The following UFSP2 variants were observed in gnomAD, a reference collection of about 807,000 sequenced individuals.
UFSP2 encodes the protein UFM1 specific peptidase 2, also known as ufm1-specific protease 2.
In UFSP2, 43 loss-of-function variants were observed where a neutral mutation model predicts 60.2. The ratio of observed to expected loss-of-function variants is 0.71; its 90% CI spans 0.56 to 0.92. The LOEUF is 0.92. UFSP2 is among the 40% of genes least tolerant of loss of function. The pLI, the probability that UFSP2 is intolerant of heterozygous loss-of-function variation, is 0.00. For missense variants in UFSP2, 520 were observed against 575.0 expected (o/e 0.90, Z 0.98); for synonymous variants, 183 against 195.1 (o/e 0.94, Z 0.52).
Position 185,399,636 on chromosome 4 carries a change from C to T in UFSP2, c.*756G>A. Reference sequence around the variant, plus strand: ...GGTCATGTGGATTTCCAGACTGTGCCAAGTTTCTTACAACAATTAAATGTA... The same window carrying T: ...GGTCATGTGGATTTCCAGACTGTGCTAAGTTTCTTACAACAATTAAATGTA... On this transcript the variant is annotated 3_prime_UTR_variant, in exon 12 of 12. Coordinates refer to ENST00000264689, the MANE Select transcript of UFSP2 (RefSeq NM_018359.5). 6.2e-7 allele frequency: 1 copy of T among 1,614,098 alleles called. No homozygotes were observed. The highest frequency in any genetic ancestry group is 8.5e-7 in the Non-Finnish European group (1 of 1,180,002).
intron 11 of UFSP2, chr4:185,402,257 C>T (rs1455498903): frequency 4.4e-6 from 2 of 453,446 alleles, no homozygotes; most frequent in Non-Finnish European, 8.8e-6. Context: ...GAATGAACAC[C>T]TTGCTACAGA....
In UFSP2 at chr4:185,400,490, A is replaced by C. The variant is rs867642986; in HGVS notation, c.1324-12T>G. 9 of 1,599,942 alleles carry C rather than the reference A, an allele frequency of 5.6e-6. No individual in the cohort carries two copies. Among genetic ancestry groups the C allele is most frequent in the African/African-American group, 5.4e-5 (4 of 74,502 alleles). Reference sequence around the variant, plus strand: ...CATCCGCACCAGCCCTGGATAGAGAAGACGGGAAAGGAAAGCCTTTTACAA... The same window carrying C: ...CATCCGCACCAGCCCTGGATAGAGACGACGGGAAAGGAAAGCCTTTTACAA... On this transcript the variant is annotated splice_polypyrimidine_tract_variant and intron_variant, in intron 11 of 11. Coordinates refer to ENST00000264689, the MANE Select transcript of UFSP2 (RefSeq NM_018359.5).
In UFSP2 at chr4:185,399,647, C is replaced by G. The variant is rs543289397; in HGVS notation, c.*745G>C. ...TTTCCAGACTGTGCCAAGTTTCTTA[C>G]AACAATTAAATGTATGCAGACAATA... On this transcript the variant is annotated 3_prime_UTR_variant, in exon 12 of 12. Transcript: ENST00000264689. 46 of 1,614,032 alleles carry G rather than the reference C, an allele frequency of 2.9e-5. No homozygotes were observed. Among genetic ancestry groups the G allele is most frequent in the Non-Finnish European group, 3.7e-5 (44 of 1,180,020 alleles).
At chr4:185,425,339 G>A (rs186687942) in intron 1 of UFSP2, among the ~76,000 whole-genome samples, 93 of 152,152 alleles carry the variant, frequency 6.1e-4, no homozygotes, top group African/African-American at 2.2e-3. Context: ...CCAAGTGGAG[G>A]CACGGTTAGC....
intron 7 of UFSP2, among the ~76,000 whole-genome samples, chr4:185,413,330 G>C (rs1427327320): frequency 3.9e-5 from 6 of 152,196 alleles, no homozygotes; most frequent in African/African-American, 1.4e-4. Flanking sequence ...GGAGGTTGCA[G>C]TGAGCTGAGA....
chr4:185,423,111 G>A (rs1482791782), intron 1 of UFSP2, among the ~76,000 whole-genome samples: 4 of 152,138 alleles, frequency 2.6e-5, no homozygotes, highest in Admixed American at 1.3e-4. Context: ...CGCCTGTCTC[G>A]GCCTCCCAAA....
Position 185,408,257 on chromosome 4 carries a change from G to T in UFSP2, c.996+14C>A. The T allele has an allele frequency of 6.2e-7, 1 of 1,611,104 alleles. No homozygotes were observed. Among genetic ancestry groups the T allele is most frequent in the Middle Eastern group, 1.7e-4 (1 of 6,050 alleles). On this transcript the variant is annotated intron_variant, in intron 8 of 11. Transcript: ENST00000264689. ...CATACAGTTGATTATAATTTAAAAC[G>T]GTATGTTCTGTACCTGCTGAATTTC...
chr4:185,425,817 CA>C, intron 1 of UFSP2, 48 bp downstream of exon 1: 1 of 1,589,924 alleles, frequency 6.3e-7, no homozygotes, highest in Non-Finnish European at 8.6e-7. Context: ...TGGCGGCTGC[CA>C]AAGTCCGGGG....
chr4:185,422,480 C>A lies in UFSP2; in HGVS notation c.82+5G>T. 6.2e-7 allele frequency: 1 copy of A among 1,603,700 alleles called. No homozygotes were observed. Reference sequence around the variant, plus strand: ...TAATAAAAAAGAATTTTTCAGAAGACCTACCATTAGGAGTAGCTAGCTGAA... The same window carrying A: ...TAATAAAAAAGAATTTTTCAGAAGAACTACCATTAGGAGTAGCTAGCTGAA... On this transcript the variant is annotated splice_donor_5th_base_variant and intron_variant, in intron 2 of 11. Transcript: ENST00000264689.
Position 185,408,375 on chromosome 4 carries a change from T to C in UFSP2, c.892A>G (p.Asn298Asp). The part of the protein sequence containing the change: ...HHYMQDRIDD[N>D]GWGCAYRSLQ... ...GATCGATAAGCACAGCCCCAGCCAT[T>C]GTCATCTATGCGATCCTGCATATAA... Residue 298 changes from asparagine to aspartate, a missense_variant, in exon 8 of 12, where the codon AAT (asparagine) becomes GAT (aspartate). Asn to Asp is a conservative substitution (Grantham distance 23, BLOSUM62 1). Transcript: ENST00000264689. 6.2e-7 allele frequency: 1 copy of C among 1,614,162 alleles called. No homozygotes were observed. The highest frequency in any genetic ancestry group is 1.7e-5 in the Admixed American group (1 of 60,022).
chr4:185,400,337 C>T lies in UFSP2; in HGVS notation c.*55G>A. On this transcript the variant is annotated 3_prime_UTR_variant, in exon 12 of 12. Coordinates refer to ENST00000264689, the MANE Select transcript of UFSP2 (RefSeq NM_018359.5). ...TTTAATGTGAAAAATTAAACTGATT[C>T]TTTATTCACAAATTTATAATACCAC... 1 of 1,364,424 alleles carries T rather than the reference C, an allele frequency of 7.3e-7. No individual in the cohort carries two copies. Among genetic ancestry groups the T allele is most frequent in the South Asian group, 1.3e-5 (1 of 79,680 alleles). 84.5% of individuals were successfully genotyped at this position (1,364,424 alleles called of 1,614,324 possible).
In UFSP2 at chr4:185,399,582, G is replaced by T; in HGVS notation, c.*810C>A. The T allele has an allele frequency of 6.2e-7, 1 of 1,614,114 alleles. No individual in the cohort carries two copies. Among genetic ancestry groups the T allele is most frequent in the Admixed American group, 1.7e-5 (1 of 60,016 alleles). On this transcript the variant is annotated 3_prime_UTR_variant, in exon 12 of 12. Coordinates refer to ENST00000264689, the MANE Select transcript of UFSP2 (RefSeq NM_018359.5). ...ATCCTGTTTTCAGTTTATGTAATAA[G>T]AACGGGCAAACAGCTGAAGATCTCG...
chr4:185,400,180 GC>G lies in UFSP2; in HGVS notation c.*211del, dbSNP rs2095511616. The G allele has an allele frequency of 5.5e-6, 4 of 731,958 alleles. No homozygotes were observed. Among genetic ancestry groups the G allele is most frequent in the Non-Finnish European group, 6.6e-6 (3 of 451,306 alleles). The allele number at this position is 731,958 out of a possible 1,614,324, so 45.3% of individuals were successfully genotyped here. On this transcript the variant is annotated 3_prime_UTR_variant, in exon 12 of 12. Transcript: ENST00000264689. ...CATTTAAGAACACATGTATTTACAT[GC>G]CTATAATATGCTGGTTGTGTATGCT...
chr4:185,408,220 G>A lies in UFSP2; in HGVS notation c.996+51C>T, dbSNP rs1060115. The A allele has an allele frequency of 3.1e-6, 5 of 1,587,984 alleles. No homozygotes were observed. In the African/African-American group the frequency reaches 6.7e-5, roughly 21 times the overall value. On this transcript the variant is annotated intron_variant, in intron 8 of 11. Transcript: ENST00000264689. ...ACAAAAATTATCAATGGTATATTAA[G>A]GGCTAATGAAACATACAGTTGATTA...
chr4:185,408,921 C>G (rs924904370), intron 7 of UFSP2, among the ~76,000 whole-genome samples: 4 of 152,112 alleles, frequency 2.6e-5, no homozygotes, highest in Non-Finnish European at 4.4e-5. Flanking sequence ...TCTCTGTCCT[C>G]TTTATGTTTT....
chr4:185,419,049 A>G (rs2095544473), intron 2 of UFSP2, among the ~76,000 whole-genome samples: 1 of 152,148 alleles, frequency 6.6e-6, no homozygotes, highest in Non-Finnish European at 1.5e-5. Context: ...CATCACTCCA[A>G]AAAGAAACCC....
intron 4 of UFSP2, chr4:185,416,148 C>A: frequency 9.0e-6 from 2 of 221,180 alleles, no homozygotes; most frequent in Non-Finnish European, 8.7e-6. Context: ...ATTAAAAGCA[C>A]AAATATTATT....
intron 7 of UFSP2, among the ~76,000 whole-genome samples, chr4:185,412,555 T>C (rs1405776637): frequency 1.3e-5 from 2 of 152,032 alleles, no homozygotes; most frequent in African/African-American, 4.8e-5. Context: ...AGGTGCAGAG[T>C]TAGCCAGGCA....
chr4:185,420,343 A>T (rs1174704389), intron 2 of UFSP2, among the ~76,000 whole-genome samples: 1 of 152,216 alleles, frequency 6.6e-6, no homozygotes, highest in Non-Finnish European at 1.5e-5. Context: ...TTCAATTTGG[A>T]AACATTTTTA....
Sources: gnomAD v4.1 joint callset for allele counts (sites outside exome capture counted in the v4.1 genomes callset) on GRCh38, gnomAD v4.1.1 for gene constraint, MANE v1.5 for transcripts, NCBI Gene and HGNC (gene_info 2026-07-23, HGNC 2026-07-21) for gene names.